The following SDK1 variants were observed in gnomAD, a reference collection of about 807,000 sequenced individuals.
SDK1 encodes protein sidekick-1.
In SDK1, 157 loss-of-function variants were observed where a neutral mutation model predicts 245.5. That is an observed-to-expected ratio of 0.64 (90% CI 0.56 to 0.73). The LOEUF is 0.73. Ranked by LOEUF, SDK1 falls within the 30% of genes least tolerant of loss-of-function variation. The probability of loss-of-function intolerance (pLI) is 0.00; values close to 1 mark genes in which losing one functional copy is unlikely to be tolerated. For missense variants in SDK1, 3,583 were observed against 3,002.3 expected, an observed-to-expected ratio of 1.19 and a Z score of -4.52; for synonymous variants, 1,647 against 1,278.5, an observed-to-expected ratio of 1.29 and a Z score of -6.15.
intron 13 of SDK1, among the ~76,000 whole-genome samples, chr7:3,984,773 C>G (rs1404699585): frequency 6.6e-6 from 1 of 152,228 alleles, no homozygotes; most frequent in East Asian, 1.9e-4. Flanking sequence ...AGATGGTCAT[C>G]TGACATTGTG....
chr7:3,479,927 A>AT (rs1361311802), intron 1 of SDK1, among the ~76,000 whole-genome samples: 4 of 151,492 alleles, frequency 2.6e-5, no homozygotes, highest in South Asian at 4.2e-4. Flanking sequence ...AGTTCTTTCA[A>AT]TTTTTTCTTT....
At chr7:3,785,441 C>T (rs1351062129) in intron 4 of SDK1, among the ~76,000 whole-genome samples, 1 of 152,104 alleles carries the variant, frequency 6.6e-6, no homozygotes, top group East Asian at 1.9e-4. Flanking sequence ...CATAACATTA[C>T]TTTGTACCCC....
chr7:4,156,059 C>T (rs1370733767), intron 30 of SDK1, among the ~76,000 whole-genome samples: 1 of 152,192 alleles, frequency 6.6e-6, no homozygotes, highest in African/African-American at 2.4e-5. Flanking sequence ...GTTTAAGCCT[C>T]ACCTCAGTTT....
rs200792900 is a variant in SDK1 at position 3,691,193 on chromosome 7, T to G, written c.713+49088T>G. Among the ~76,000 whole-genome samples the G allele has an allele frequency of 9.5e-4, 5 of 5,256 alleles. 2 individuals carry two copies. The Middle Eastern group carries it at 0.18, about 188-fold the overall frequency. 3.4% of individuals were successfully genotyped at this position (5,256 alleles called of 152,430 possible). A position where few individuals can be genotyped will look rare whatever the true frequency, so the allele number is the denominator to read the frequency against. On this transcript the variant is annotated intron_variant, in intron 4 of 44. Transcript: ENST00000404826. Reference sequence around the variant, plus strand: ...GAATTCAAATGTATACGAAAAGCAATAGAGAATTCTGGACTTTAGATTTGC... The same window carrying G: ...GAATTCAAATGTATACGAAAAGCAAGAGAGAATTCTGGACTTTAGATTTGC...
chr7:3,527,038 G>A (rs1315521624), intron 1 of SDK1, among the ~76,000 whole-genome samples: 2 of 152,084 alleles, frequency 1.3e-5, no homozygotes, highest in Non-Finnish European at 2.9e-5. Context: ...ATGCATTTCT[G>A]GTTTGGTCTG....
chr7:3,714,243 A>T (rs1785134961), intron 4 of SDK1, among the ~76,000 whole-genome samples: 1 of 152,216 alleles, frequency 6.6e-6, no homozygotes, highest in African/African-American at 2.4e-5. Flanking sequence ...AGAGGCCTTG[A>T]TCACTCCTTG....
intron 1 of SDK1, among the ~76,000 whole-genome samples, chr7:3,362,861 G>A (rs1780990778): frequency 6.6e-6 from 1 of 152,144 alleles, no homozygotes; most frequent in Admixed American, 6.5e-5. Context: ...ATTTTACGAT[G>A]ATAAACATTT....
At chr7:3,508,106 T>A (rs1325150601) in intron 1 of SDK1, among the ~76,000 whole-genome samples, 7 of 152,124 alleles carry the variant, frequency 4.6e-5, no homozygotes, top group Non-Finnish European at 1.0e-4. Flanking sequence ...ATAGTCAGGG[T>A]GTTGTCCATT....
chr7:4,181,470 A>T (rs2128220020), intron 35 of SDK1, among the ~76,000 whole-genome samples: 1 of 152,296 alleles, frequency 6.6e-6, no homozygotes, highest in South Asian at 2.1e-4. Context: ...GCAGTTGCAG[A>T]GGCTACAGGT....
At position 3,586,463 on chromosome 7, in the gene SDK1, C is replaced by T. The variant is rs552074019; in HGVS notation, c.299-32617C>T. Among the ~76,000 whole-genome samples the T allele has an allele frequency of 2.5e-3, 382 of 151,112 alleles. 3 individuals carry two copies. The highest frequency in any genetic ancestry group is 0.018 in the South Asian group (87 of 4,740). The stretch of plus-strand genomic sequence containing the variant: ...CTGTAATCCCAGCACTTTGGGAGGC[C>T]GAGGTGGGTGGATCACGAGGTCAGG... On this transcript the variant is annotated intron_variant, in intron 1 of 44. Coordinates refer to ENST00000404826, the MANE Select transcript of SDK1 (RefSeq NM_152744.4).
chr7:3,776,112 C>T lies in SDK1; in HGVS notation c.714-45338C>T, dbSNP rs986674984. On this transcript the variant is annotated intron_variant, in intron 4 of 44. Coordinates refer to ENST00000404826, the MANE Select transcript of SDK1 (RefSeq NM_152744.4). ...TGGAGTCAGAAATATGATAGCAACT[C>T]ATGTATGCTGTGTGATCAGTAACTA... 2.6e-5 allele frequency among the ~76,000 whole-genome samples: 4 copies of T among 152,320 alleles called. 1 individual carries two copies. The highest frequency in any genetic ancestry group is 5.9e-5 in the Non-Finnish European group (4 of 68,022).
At chr7:3,969,474 A>G in intron 11 of SDK1, 50 bp downstream of exon 11, 2 of 1,418,912 alleles carry the variant, frequency 1.4e-6, no homozygotes, top group Non-Finnish European at 1.9e-6. Flanking sequence ...CGGTTTAATC[A>G]TCACGTCATC....
At chr7:3,967,064 G>T (rs2128131458) in intron 9 of SDK1, among the ~76,000 whole-genome samples, 1 of 152,208 alleles carries the variant, frequency 6.6e-6, no homozygotes, top group South Asian at 2.1e-4. Flanking sequence ...GTTCTTCCTG[G>T]GCCCCTGCAC....
In SDK1 at chr7:4,221,403, C is replaced by T. The variant is rs768704436; in HGVS notation, c.5827+39C>T. 3.6e-5 allele frequency: 56 copies of T among 1,567,936 alleles called. No homozygotes were observed. In the Admixed American group the frequency reaches 5.4e-4, roughly 15 times the overall value. On this transcript the variant is annotated intron_variant, in intron 40 of 44. Transcript: ENST00000404826. The stretch of plus-strand genomic sequence containing the variant: ...CCCCACAAACGGGGTCTCAGCCCAG[C>T]GGACGGCAGTGCTTCTAAGACTGTG...
chr7:3,556,098 G>A (rs878920163), intron 1 of SDK1, among the ~76,000 whole-genome samples: 8 of 152,292 alleles, frequency 5.3e-5, no homozygotes, highest in East Asian at 1.9e-4. Flanking sequence ...TCAGTATACC[G>A]AAGAGGTATC....
At chr7:3,855,809 G>C (rs1391440978) in intron 5 of SDK1, among the ~76,000 whole-genome samples, 1 of 152,172 alleles carries the variant, frequency 6.6e-6, no homozygotes, top group Non-Finnish European at 1.5e-5. Flanking sequence ...TCAAAGTTCT[G>C]AGGGGAAAAC....
At chr7:3,472,635 T>C (rs1781219937) in intron 1 of SDK1, among the ~76,000 whole-genome samples, 1 of 152,212 alleles carries the variant, frequency 6.6e-6, no homozygotes, top group South Asian at 2.1e-4. Context: ...GGATGTTACA[T>C]TTTGAATTTT....
At chr7:3,345,868 G>A in intron 1 of SDK1, among the ~76,000 whole-genome samples, 1 of 152,174 alleles carries the variant, frequency 6.6e-6, no homozygotes, top group Non-Finnish European at 1.5e-5. Flanking sequence ...AGATGACACA[G>A]CTTGGGCTGC....
At chr7:4,164,049 T>C (rs955457226) in intron 32 of SDK1, among the ~76,000 whole-genome samples, 2 of 152,184 alleles carry the variant, frequency 1.3e-5, no homozygotes, top group Admixed American at 6.5e-5. Flanking sequence ...ATCCAGCTTC[T>C]CTGGGTAGGA....
Sources: gnomAD v4.1 joint callset for allele counts (sites outside exome capture counted in the v4.1 genomes callset) on GRCh38, gnomAD v4.1.1 for gene constraint, MANE v1.5 for transcripts, NCBI Gene and HGNC (gene_info 2026-07-23, HGNC 2026-07-21) for gene names.